The following OARD1 variants were observed in gnomAD, a reference collection of about 807,000 sequenced individuals.
The protein encoded by OARD1 is ADP-ribose glycohydrolase OARD1.
A neutral mutation model predicts 19.7 loss-of-function variants in OARD1; 19 were observed. That is an observed-to-expected ratio of 0.96 (90% CI 0.67 to 1.41). The LOEUF (loss-of-function observed/expected upper bound fraction) is 1.41. OARD1 is among the 40% of genes most tolerant of loss of function. The pLI is 0.00. For synonymous variants in OARD1, 70 were observed against 61.8 expected (o/e 1.13, Z -0.62); for missense variants, 190 against 183.8 (o/e 1.03, Z -0.20).
At chr6:41,078,759 G>A (rs1162930945) in intron 1 of OARD1, among the ~76,000 whole-genome samples, 1 of 152,166 alleles carries the variant, frequency 6.6e-6, no homozygotes, top group African/African-American at 2.4e-5. Flanking sequence ...AGCTTAACGA[G>A]TATCTCTTAG....
At chr6:41,069,747 C>A in intron 4 of OARD1, 1 of 312,890 alleles carries the variant, frequency 3.2e-6, no homozygotes, top group Non-Finnish European at 6.0e-6. Context: ...TCTCTTGAGA[C>A]ATTATTGTTT....
chr6:41,067,397 A>T lies in OARD1; in HGVS notation c.397T>A (p.Ser133Thr), dbSNP rs780849655. ...GLDRLQWENV[S>T]AMIEEVFEAT... ...TCAAATACCTCCTCGATCATCGCAG[A>T]TACATTTTCCCATTGCAGACGATCA... Residue 133 changes from serine to threonine, a missense_variant, in exon 6 of 6, where the codon TCT becomes ACT. By Grantham distance (58) the Ser-to-Thr change is moderately conservative. Transcript: ENST00000424266. 6.8e-6 allele frequency: 11 copies of T among 1,613,698 alleles called. No individual in the cohort carries two copies. Among genetic ancestry groups the T allele is most frequent in the Non-Finnish European group, 9.3e-6 (11 of 1,179,720 alleles).
chr6:41,095,104 C>T (rs754893978), intron 1 of OARD1, among the ~76,000 whole-genome samples: 4 of 152,158 alleles, frequency 2.6e-5, no homozygotes, highest in Admixed American at 6.5e-5. Flanking sequence ...CTCTCCACAT[C>T]CTAGTGTGAT....
At chr6:41,076,742 G>T (rs543985398), upstream of OARD1, among the ~76,000 whole-genome samples, 4 of 152,180 alleles carry the variant, frequency 2.6e-5, no homozygotes, top group Admixed American at 1.3e-4. Flanking sequence ...ACTAAATCTG[G>T]CTTAGTTTGT....
chr6:41,082,003 A>G (rs1763923693), intron 1 of OARD1, among the ~76,000 whole-genome samples: 1 of 152,244 alleles, frequency 6.6e-6, no homozygotes, highest in Non-Finnish European at 1.5e-5. Flanking sequence ...TTTTATTAAA[A>G]TAACTCTATT....
rs758017797 is a variant in OARD1 at position 41,094,380 on chromosome 6, T to G, written c.-42+3333A>C. On this transcript the variant is annotated intron_variant, in intron 1 of 4. Transcript: ENST00000480585. ...GGATAGTATTAATAGTTAAATGGTT[T>G]TATTTCTCGTTTTAGAAATACCTGC... 3.1e-6 allele frequency: 5 copies of G among 1,609,274 alleles called. No individual in the cohort carries two copies. In the African/African-American group the frequency reaches 5.3e-5, roughly 17 times the overall value.
chr6:41,085,527 AAG>A (rs1332438424), intron 1 of OARD1, among the ~76,000 whole-genome samples: 1 of 152,180 alleles, frequency 6.6e-6, no homozygotes, highest in East Asian at 1.9e-4. Flanking sequence ...AGTCATGGAA[AAG>A]AGAGTATGAG....
chr6:41,070,823 T>C (rs1029547481), intron 3 of OARD1: 13 of 551,068 alleles, frequency 2.4e-5, no homozygotes, highest in Non-Finnish European at 3.5e-5. Flanking sequence ...GAAAGCAGAA[T>C]ATTGGTAAGT....
rs1432111000 is a variant in OARD1, at chr6:41,065,110, A to C, written c.*2225T>G. ...CCCAAGACTACTATCGGCAAATGAC[A>C]AAGTGCTTTATCACATTCCTGCTAA... On this transcript the variant is annotated 3_prime_UTR_variant, in exon 6 of 6. Transcript: ENST00000424266. 1.3e-5 allele frequency: 2 copies of C among 152,238 alleles called. No homozygotes were observed. Among genetic ancestry groups the C allele is most frequent in the African/African-American group, 4.8e-5 (2 of 41,468 alleles). The allele number at this position is 152,238 out of a possible 1,614,324, so 9.4% of individuals were successfully genotyped here. A position where few individuals can be genotyped will look rare whatever the true frequency, so the allele number is the denominator to read the frequency against.
intron 1 of OARD1, chr6:41,089,632 G>T: frequency 6.2e-7 from 1 of 1,612,752 alleles, no homozygotes; most frequent in East Asian, 2.2e-5. Flanking sequence ...AGGCTGTGCA[G>T]GTGCAGGGCC....
At chr6:41,093,153 T>C in intron 1 of OARD1, 1 of 1,422,888 alleles carries the variant, frequency 7.0e-7, no homozygotes, top group South Asian at 1.3e-5. Context: ...AATTATCTTT[T>C]ATATGGCTTG....
At chr6:41,069,704 T>C (rs1763222196) in intron 4 of OARD1, 4 of 268,128 alleles carry the variant, frequency 1.5e-5, no homozygotes, top group Admixed American at 5.2e-5. Context: ...CTATTTGACA[T>C]GGAATAAGAG....
chr6:41,070,427 T>C (rs1763271992), intron 3 of OARD1, among the ~76,000 whole-genome samples: 1 of 152,228 alleles, frequency 6.6e-6, no homozygotes. Flanking sequence ...CTTTCTCTAT[T>C]GCCTTGAAAT....
chr6:41,092,920 T>C (rs1461094632), intron 1 of OARD1: 1 of 1,613,288 alleles, frequency 6.2e-7, no homozygotes, highest in African/African-American at 1.3e-5. Flanking sequence ...AGATGGTTCC[T>C]GGGGCTGGCT....
chr6:41,093,265 C>T (rs908817576), intron 1 of OARD1, among the ~76,000 whole-genome samples: 2 of 152,100 alleles, frequency 1.3e-5, no homozygotes, highest in Non-Finnish European at 2.9e-5. Context: ...GTTATAATAA[C>T]GAAAACAAAC....
intron 1 of OARD1, among the ~76,000 whole-genome samples, chr6:41,089,874 C>T (rs1374843929): frequency 6.6e-6 from 1 of 152,112 alleles, no homozygotes; most frequent in African/African-American, 2.4e-5. Flanking sequence ...AATCCCAGCA[C>T]TTTGAGAGGC....
chr6:41,067,530 C>T (rs534117319), intron 5 of OARD1, 93 bp from the exon 6 acceptor site: 3 of 838,332 alleles, frequency 3.6e-6, no homozygotes, highest in African/African-American at 3.4e-5. Flanking sequence ...AGCATAAAAA[C>T]AAATAATCTA....
chr6:41,072,909 A>G (rs1389852483), upstream of OARD1: 4 of 153,468 alleles, frequency 2.6e-5, no homozygotes, highest in Non-Finnish European at 4.4e-5. Flanking sequence ...GCGTGGCCTC[A>G]GAGGCGCCTG....
intron 3 of OARD1, among the ~76,000 whole-genome samples, chr6:41,070,607 A>G (rs1042160036): frequency 5.3e-5 from 8 of 152,268 alleles, no homozygotes; most frequent in Admixed American, 1.3e-4. Context: ...CCAAATAACT[A>G]TAATACAAAG....
Sources: gnomAD v4.1 joint callset for allele counts (sites outside exome capture counted in the v4.1 genomes callset) on GRCh38, gnomAD v4.1.1 for gene constraint, MANE v1.5 for transcripts, NCBI Gene and HGNC (gene_info 2026-07-23, HGNC 2026-07-21) for gene names.